Variants in DEPDC5 observed in about 807,000 individuals in gnomAD.
The protein encoded by DEPDC5 is DEP domain containing 5, GATOR1 subcomplex subunit, also known as GATOR1 complex protein DEPDC5.
Under a neutral mutation model 217.3 loss-of-function variants are expected in DEPDC5, and 73 were observed. The observed-to-expected ratio is 0.34, with a 90% CI of 0.28 to 0.41. DEPDC5 has a LOEUF of 0.41. Among genes scored for constraint, DEPDC5 ranks in the 10% least tolerant of loss-of-function variants. The pLI, the probability that DEPDC5 is intolerant of heterozygous loss-of-function variation, is 1.00. For synonymous variants in DEPDC5, 733 were observed against 756.7 expected (o/e 0.97, Z 0.51); for missense variants, 1,675 against 2,070.1 (o/e 0.81, Z 3.70).
chr22:31,769,814 G>C (rs1024049654), intron 7 of DEPDC5: 1 of 152,018 alleles, frequency 6.6e-6, no homozygotes, highest in Admixed American at 6.6e-5. Flanking sequence ...CCAGCTACCC[G>C]GGAGGCTGAG....
chr22:31,767,420 G>T (rs868427568), intron 6 of DEPDC5, among the ~76,000 whole-genome samples: 5 of 151,830 alleles, frequency 3.3e-5, no homozygotes, highest in African/African-American at 9.7e-5. Context: ...CTCAGCCTCC[G>T]CAGTAGCTGG....
At chr22:31,835,087 G>GTT (rs1480157844) in intron 25 of DEPDC5, among the ~76,000 whole-genome samples, 3 of 152,142 alleles carry the variant, frequency 2.0e-5, no homozygotes, top group Admixed American at 2.0e-4. Context: ...GAGCCCAGGA[G>GTT]TTTGAGACCA....
chr22:31,838,572 C>T (rs2091193458), intron 26 of DEPDC5, 113 bp from the exon 27 acceptor site: 3 of 1,370,280 alleles, frequency 2.2e-6, no homozygotes, highest in Middle Eastern at 2.7e-4. Flanking sequence ...TTTTATGAAC[C>T]ACCATAGAAT....
intron 8 of DEPDC5, among the ~76,000 whole-genome samples, chr22:31,781,802 GGT>G (rs1427404613): frequency 1.3e-5 from 2 of 152,190 alleles, no homozygotes; most frequent in African/African-American, 4.8e-5. Context: ...GAGAGGCCGA[GGT>G]GGGGGGGATT....
Position 31,836,968 on chromosome 22 carries a change from G to A in DEPDC5, c.2171-4G>A. ...GTACCTTTTCCCCCTGTTACGTGAG[G>A]CAGTTCTGACACTGTCTGCTCCCCC... On this transcript the variant is annotated splice_region_variant and splice_polypyrimidine_tract_variant and intron_variant, in intron 25 of 42. Coordinates refer to ENST00000651528, the MANE Select transcript of DEPDC5 (RefSeq NM_001242896.3). 1.2e-6 allele frequency: 2 copies of A among 1,613,254 alleles called. No individual in the cohort carries two copies.
intron 35 of DEPDC5, among the ~76,000 whole-genome samples, chr22:31,873,618 A>T (rs1044157945): frequency 1.3e-5 from 2 of 149,742 alleles, no homozygotes; most frequent in Admixed American, 6.7e-5. Flanking sequence ...GGATTTTTTT[A>T]AAAGGGATTT....
In DEPDC5 at chr22:31,885,685, G is replaced by T. The variant is rs539699321; in HGVS notation, c.4033+5933G>T. Among the ~76,000 whole-genome samples, 611 of 145,524 alleles carry T rather than the reference G, an allele frequency of 4.2e-3. 4 individuals are homozygous for T. The highest frequency in any genetic ancestry group is 0.011 in the Middle Eastern group (3 of 264). Reference sequence around the variant, plus strand: ...GCTTGCAGTGAGCCGAGATCATGCCGCTGCACTCCAGCCTGGGCAACAGAG... The same window carrying T: ...GCTTGCAGTGAGCCGAGATCATGCCTCTGCACTCCAGCCTGGGCAACAGAG... On this transcript the variant is annotated intron_variant, in intron 38 of 42. Coordinates refer to ENST00000651528, the MANE Select transcript of DEPDC5 (RefSeq NM_001242896.3).
intron 33 of DEPDC5, among the ~76,000 whole-genome samples, chr22:31,864,501 A>ATATATATATATATATATAT (rs2092618825): frequency 8.1e-6 from 1 of 123,162 alleles, no homozygotes; most frequent in Non-Finnish European, 1.7e-5. Flanking sequence ...TCTTCATTAA[A>ATATATATATATATATATAT]ATATATATAT....
intron 22 of DEPDC5, among the ~76,000 whole-genome samples, chr22:31,819,464 CTT>C (rs949134977): frequency 1.4e-5 from 2 of 141,354 alleles, no homozygotes; most frequent in Admixed American, 7.1e-5. Flanking sequence ...TGTTTCTGCC[CTT>C]TTTTTTTTTT....
chr22:31,866,280 A>T (rs967255146), intron 33 of DEPDC5, among the ~76,000 whole-genome samples: 2 of 151,422 alleles, frequency 1.3e-5, no homozygotes, highest in African/African-American at 4.9e-5. Flanking sequence ...GGATTTTGCC[A>T]TTTTTTTCAA....
At chr22:31,866,567 G>A (rs2092695030) in intron 33 of DEPDC5, among the ~76,000 whole-genome samples, 1 of 152,190 alleles carries the variant, frequency 6.6e-6, no homozygotes, top group Non-Finnish European at 1.5e-5. Flanking sequence ...TGTATTTTTA[G>A]TAGAGACAGG....
chr22:31,782,759 T>C (rs2084580800), intron 8 of DEPDC5, among the ~76,000 whole-genome samples: 1 of 152,252 alleles, frequency 6.6e-6, no homozygotes, highest in African/African-American at 2.4e-5. Flanking sequence ...TAAATCTTCA[T>C]AGAACCTTTG....
intron 14 of DEPDC5, among the ~76,000 whole-genome samples, chr22:31,799,547 A>G (rs1329204171): frequency 3.4e-5 from 5 of 148,434 alleles, no homozygotes; most frequent in Non-Finnish European, 7.4e-5. Context: ...TAGTGGTGCA[A>G]TCTTGACTCA....
chr22:31,830,441 T>G (rs1056812455), intron 24 of DEPDC5, among the ~76,000 whole-genome samples: 1 of 152,260 alleles, frequency 6.6e-6, no homozygotes, highest in African/African-American at 2.4e-5. Flanking sequence ...ACTCTTCATA[T>G]GCCAACAGCA....
intron 38 of DEPDC5, among the ~76,000 whole-genome samples, chr22:31,881,727 C>T (rs1004524456): frequency 6.6e-6 from 1 of 152,072 alleles, no homozygotes; most frequent in Non-Finnish European, 1.5e-5. Context: ...AGGAGGATCA[C>T]TTGAGGTCAG....
chr22:31,846,529 T>A (rs1289855416), intron 30 of DEPDC5, among the ~76,000 whole-genome samples: 1 of 152,230 alleles, frequency 6.6e-6, no homozygotes. Flanking sequence ...GTGGGATAAG[T>A]TCCTTAACCT....
intron 38 of DEPDC5, among the ~76,000 whole-genome samples, chr22:31,884,036 T>C (rs1034710676): frequency 1.3e-5 from 2 of 152,124 alleles, no homozygotes; most frequent in African/African-American, 4.8e-5. Flanking sequence ...ACCTCACATC[T>C]CACTTTATGT....
chr22:31,852,805 GGT>G (rs1405216405), intron 31 of DEPDC5: 1 of 152,174 alleles, frequency 6.6e-6, no homozygotes, highest in African/African-American at 2.4e-5. Flanking sequence ...ATAGCCAGTT[GGT>G]GTCTTTGGCA....
At chr22:31,883,995 C>G (rs2093244957) in intron 38 of DEPDC5, among the ~76,000 whole-genome samples, 1 of 152,130 alleles carries the variant, frequency 6.6e-6, no homozygotes, top group South Asian at 2.1e-4. Flanking sequence ...GACCTGTAAC[C>G]AATTGATCTT....
Sources: gnomAD v4.1 joint callset for allele counts (sites outside exome capture counted in the v4.1 genomes callset) on GRCh38, gnomAD v4.1.1 for gene constraint, MANE v1.5 for transcripts, NCBI Gene and HGNC (gene_info 2026-07-23, HGNC 2026-07-21) for gene names.